The following GNPTG variants were observed in gnomAD, a reference collection of about 807,000 sequenced individuals.
GNPTG encodes the protein N-acetylglucosamine-1-phosphate transferase subunit gamma.
GNPTG carries 46 observed loss-of-function variants against 43.8 expected under a neutral mutation model. The observed-to-expected ratio is 1.05, with a 90% CI of 0.83 to 1.34. The LOEUF (loss-of-function observed/expected upper bound fraction) is 1.34. Among genes scored for constraint, GNPTG ranks in the 40% most tolerant of loss-of-function variants. The pLI, the probability that GNPTG is intolerant of heterozygous loss-of-function variation, is 0.00. For synonymous variants in GNPTG, 250 were observed against 172.8 expected (o/e 1.45, Z -3.50); for missense variants, 549 against 411.3 (o/e 1.33, Z -2.90).
At chr16:1,356,343 G>T (rs1178719076) in intron 3 of GNPTG, among the ~76,000 whole-genome samples, 1 of 152,092 alleles carries the variant, frequency 6.6e-6, no homozygotes, top group East Asian at 1.9e-4. Flanking sequence ...GAGCAGAGGA[G>T]AAGCCTCCCG....
intron 3 of GNPTG, among the ~76,000 whole-genome samples, chr16:1,354,914 G>A (rs879901784): frequency 5.9e-5 from 9 of 151,916 alleles, no homozygotes; most frequent in South Asian, 2.1e-4. Context: ...AGGGCCGGGC[G>A]TGGATTGTCT....
At chr16:1,357,199 A>C (rs1038582483) in intron 3 of GNPTG, among the ~76,000 whole-genome samples, 1 of 152,190 alleles carries the variant, frequency 6.6e-6, no homozygotes, top group Non-Finnish European at 1.5e-5. Context: ...GTATTTGACA[A>C]GGAAGGACCA....
Position 1,362,660 on chromosome 16 carries a change from A to G in GNPTG, c.659A>G (p.Lys220Arg). Residue 220 changes from lysine to arginine, a missense_variant, in exon 9 of 11, where the codon AAG becomes AGG. Coordinates refer to ENST00000204679, the MANE Select transcript of GNPTG (RefSeq NM_032520.5). Reference sequence around the variant, plus strand: ...CTTTTTGAGGATGCTGGCTACTTAAAGACCCCAGAAGAAAATGAACCCACC... The same window carrying G: ...CTTTTTGAGGATGCTGGCTACTTAAGGACCCCAGAAGAAAATGAACCCACC... ...RTLFEDAGYL[K>R]TPEENEPTQL... 1 of 1,614,126 alleles carries G rather than the reference A, an allele frequency of 6.2e-7. No individual in the cohort carries two copies. The highest frequency in any genetic ancestry group is 8.5e-7 in the Non-Finnish European group (1 of 1,180,024).
chr16:1,352,909 G>GTA (rs1475854271), intron 3 of GNPTG, among the ~76,000 whole-genome samples: 2 of 151,028 alleles, frequency 1.3e-5, no homozygotes, highest in South Asian at 2.1e-4. Context: ...TGGGTCATGA[G>GTA]TATATATATC....
intron 3 of GNPTG, chr16:1,352,636 A>G (rs897398166): frequency 1.1e-5 from 4 of 365,774 alleles, no homozygotes; most frequent in African/African-American, 6.3e-5. Flanking sequence ...TTTTTAAAAA[A>G]TCATGCTGCG....
At position 1,362,886 on chromosome 16, in the gene GNPTG, T is replaced by A. The variant is rs1338329485; in HGVS notation, c.803T>A (p.Ile268Asn). ...RLKGLLTQHG[I>N]PYTRPTETSN... The stretch of plus-strand genomic sequence containing the variant: ...AAAGGTTTGCTCACCCAGCACGGCA[T>A]CCCCTACACGAGGCCCACAGGTGAG... The change falls in exon 10 of 11, where the codon ATC becomes AAC. Residue 268 changes from isoleucine to asparagine, a missense_variant. Transcript: ENST00000204679. 1 of 1,614,058 alleles carries A rather than the reference T, an allele frequency of 6.2e-7. No individual in the cohort carries two copies. The highest frequency in any genetic ancestry group is 8.5e-7 in the Non-Finnish European group (1 of 1,180,024).
chr16:1,362,101 C>CCCCA lies in GNPTG; in HGVS notation c.381_382insCCCA (p.Ala128ProfsTer72). ...CGGGCATGTGGATGAGGGACGGTGA[C>CCCCA]GCCTGCCGTTCCCGGAGCCGGCAGA... is the stretch of plus-strand genomic sequence containing the variant. On this transcript the variant is annotated frameshift_variant, in exon 6 of 11. Coordinates refer to ENST00000204679, the MANE Select transcript of GNPTG (RefSeq NM_032520.5). LOFTEE classifies it high-confidence loss of function. The CCCCA allele has an allele frequency of 3.1e-6, 5 of 1,611,450 alleles. No individual in the cohort carries two copies. Among genetic ancestry groups the CCCCA allele is most frequent in the Non-Finnish European group, 3.4e-6 (4 of 1,179,210 alleles).
In GNPTG at chr16:1,361,768, G is replaced by T. The variant is rs777517766; in HGVS notation, c.204G>T (p.Ser68=). Residue 68 remains serine, a synonymous_variant, in exon 4 of 11, where the codon TCG becomes TCT. Coordinates refer to ENST00000204679, the MANE Select transcript of GNPTG (RefSeq NM_032520.5). ...GACCCGTGCATCTCTTCCGACTCTC[G>T]GGCAAGTGCTTCAGCCTGGTGGAGT... ...VSGPVHLFRL[S]GKCFSLVEST... is the part of the protein sequence containing the mutation. 30 of 1,614,140 alleles carry T rather than the reference G, an allele frequency of 1.9e-5. No homozygotes were observed. Among genetic ancestry groups the T allele is most frequent in the Non-Finnish European group, 2.5e-5 (30 of 1,180,044 alleles).
At chr16:1,354,878 G>A (rs529662290) in intron 3 of GNPTG, among the ~76,000 whole-genome samples, 1 of 152,020 alleles carries the variant, frequency 6.6e-6, no homozygotes, top group Non-Finnish European at 1.5e-5. Flanking sequence ...CTGTAGGGCT[G>A]GGCGTGGATA....
Position 1,362,073 on chromosome 16 carries a change from T to C in GNPTG, c.353T>C (p.Phe118Ser). 6.2e-7 allele frequency: 1 copy of C among 1,612,400 alleles called. No homozygotes were observed. Among genetic ancestry groups the C allele is most frequent in the Non-Finnish European group, 8.5e-7 (1 of 1,179,598 alleles). The part of the protein sequence containing the change: ...WHEWEIANNT[F>S]TGMWMRDGDA... ...GAGTGGGAGATCGCCAACAACACCT[T>C]CACGGGCATGTGGATGAGGGACGGT... The change falls in exon 6 of 11, where the codon TTC becomes TCC. Residue 118 changes from phenylalanine (F) to serine (S), a missense_variant. Phe to Ser is a radical substitution (Grantham distance 155). Transcript: ENST00000204679.
chr16:1,357,505 T>C lies in GNPTG; in HGVS notation c.179-4238T>C, dbSNP rs572134932. On this transcript the variant is annotated intron_variant, in intron 3 of 10. Transcript: ENST00000204679. ...GACTTTATTATTATTATTATTATTA[T>C]TATTAGAGCCGAGTGTCGCTGTGTC... Among the ~76,000 whole-genome samples, 69 of 152,076 alleles carry C rather than the reference T, an allele frequency of 4.5e-4. 1 individual carries two copies. Among genetic ancestry groups the C allele is most frequent in the African/African-American group, 1.6e-3 (66 of 41,490 alleles).
chr16:1,353,433 C>T (rs918673764), intron 3 of GNPTG, among the ~76,000 whole-genome samples: 3 of 152,158 alleles, frequency 2.0e-5, no homozygotes, highest in Non-Finnish European at 4.4e-5. Flanking sequence ...AGATAAAATA[C>T]ATAGAATGGC....
Position 1,363,289 on chromosome 16 carries a change from AAAAAAAT to A in GNPTG, c.*199_*205del. 1.7e-6 allele frequency: 1 copy of A among 599,588 alleles called. No homozygotes were observed. Among genetic ancestry groups the A allele is most frequent in the Admixed American group, 2.8e-5 (1 of 35,264 alleles). The allele number at this position is 599,588 out of a possible 1,614,324, so 37.1% of individuals were successfully genotyped here. On this transcript the variant is annotated 3_prime_UTR_variant, in exon 11 of 11. Transcript: ENST00000204679. ...AACCATTGCATAAATGCTATAGTGTAAAAAAATTTAAACAAGTGTTAACTTTAAACAG... is the reference window on the plus strand; with the variant it reads ...AACCATTGCATAAATGCTATAGTGTATTAAACAAGTGTTAACTTTAAACAG...
In GNPTG at chr16:1,351,977, G is replaced by C. The variant is rs756910244; in HGVS notation, c.12G>C (p.Gly4=). 7.3e-7 allele frequency: 1 copy of C among 1,370,436 alleles called. No homozygotes were observed. Among genetic ancestry groups the C allele is most frequent in the South Asian group, 1.7e-5 (1 of 59,312 alleles). 84.9% of individuals were successfully genotyped at this position (1,370,436 alleles called of 1,614,324 possible). The part of the protein sequence containing the change: MAA[G]LARLLLLLGL... ...GCCGCTGCGGCGCGATGGCGGCGGG[G>C]CTGGCGCGGCTCCTGTTGCTCCTCG... Residue 4 remains glycine (G), a synonymous_variant, in exon 1 of 11, where the codon GGG becomes GGC. Coordinates refer to ENST00000204679, the MANE Select transcript of GNPTG (RefSeq NM_032520.5).
chr16:1,358,006 A>T (rs1057148403), intron 3 of GNPTG, among the ~76,000 whole-genome samples: 1 of 151,396 alleles, frequency 6.6e-6, no homozygotes, highest in African/African-American at 2.4e-5. Context: ...CGTGGCTGAC[A>T]GTCTCGGTGG....
chr16:1,362,568 C>G, intron 8 of GNPTG, 34 bp downstream of exon 8: 1 of 1,614,154 alleles, frequency 6.2e-7, no homozygotes, highest in Non-Finnish European at 8.5e-7. Context: ...CCTGGTGGGC[C>G]TGGCTGGGAG....
At chr16:1,356,327 A>T (rs942027752) in intron 3 of GNPTG, among the ~76,000 whole-genome samples, 3 of 152,094 alleles carry the variant, frequency 2.0e-5, no homozygotes, top group African/African-American at 7.2e-5. Context: ...CGTGCGGGTG[A>T]AGCAGGAGCA....
At chr16:1,356,888 TGCGGGCGGGA>T (rs1481669370) in intron 3 of GNPTG, among the ~76,000 whole-genome samples, 2 of 5,550 alleles carry the variant, frequency 3.6e-4, no homozygotes, top group African/African-American at 8.2e-4. Context: ...GGCGGGGGTC[TGCGGGCGGGA>T]GTGTGCGGGC....
intron 3 of GNPTG, chr16:1,360,792 A>G (rs2034855450): frequency 6.6e-6 from 1 of 152,288 alleles, no homozygotes. Flanking sequence ...TACAGACCAT[A>G]GCTAGAAAGG....
Sources: allele counts gnomAD v4.1 joint callset (sites outside exome capture counted in the v4.1 genomes callset), GRCh38; gene constraint gnomAD v4.1.1; transcripts MANE v1.5; gene names NCBI Gene and HGNC (gene_info 2026-07-23, HGNC 2026-07-21).